Variants in ZMAT4 observed in about 807,000 individuals in gnomAD.
ZMAT4 encodes zinc finger matrin-type protein 4.
ZMAT4 carries 17 observed loss-of-function variants against 28.7 expected under a neutral mutation model. The ratio of observed to expected loss-of-function variants is 0.59; its 90% CI spans 0.41 to 0.89. ZMAT4 has a LOEUF of 0.89. ZMAT4 is among the 40% of genes least tolerant of loss of function. The pLI is 0.00. For missense variants in ZMAT4, 240 were observed against 283.8 expected (o/e 0.85, Z 1.11); for synonymous variants, 117 against 109.2 (o/e 1.07, Z -0.44).
At chr8:40,638,353 T>C (rs1392823783) in intron 5 of ZMAT4, among the ~76,000 whole-genome samples, 1 of 152,216 alleles carries the variant, frequency 6.6e-6, no homozygotes, top group African/African-American at 2.4e-5. Context: ...ATTTGTCAAT[T>C]AAAGATAAAG....
At chr8:40,674,282 C>T (rs11774299) in intron 5 of ZMAT4, 53,702 of 155,870 alleles carry the variant, frequency 0.34, 10,488 homozygotes, top group Non-Finnish European at 0.44. Context: ...TTAATACAGA[C>T]GGGGTTTCAC....
At chr8:40,588,993 A>C (rs575995209) in intron 5 of ZMAT4, among the ~76,000 whole-genome samples, 14 of 152,330 alleles carry the variant, frequency 9.2e-5, no homozygotes, top group African/African-American at 3.4e-4. Flanking sequence ...GATGATTAAT[A>C]ATACAAAGGT....
At chr8:40,607,051 A>G (rs770145001) in intron 5 of ZMAT4, among the ~76,000 whole-genome samples, 1 of 150,850 alleles carries the variant, frequency 6.6e-6, no homozygotes, top group Non-Finnish European at 1.5e-5. Flanking sequence ...TTATTTCCAG[A>G]AGGTGTGATT....
rs1160752861 is a variant in ZMAT4, at chr8:40,601,428, G to GGAAA, written c.578-20168_578-20167insTTTC. On this transcript the variant is annotated intron_variant, in intron 5 of 6. Transcript: ENST00000297737. The stretch of plus-strand genomic sequence containing the variant: ...AGAAAGGAAGGAAGGAAGGAAGGAA[G>GGAAA]GAAGGAAGGAAGGAAGGAAGGAAGG... 2.1e-5 allele frequency among the ~76,000 whole-genome samples: 2 copies of GGAAA among 95,156 alleles called. 1 individual carries two copies. Among genetic ancestry groups the GGAAA allele is most frequent in the Non-Finnish European group, 3.8e-5 (2 of 53,134 alleles). The allele number at this position is 95,156 out of a possible 152,430, so 62.4% of individuals were successfully genotyped here.
intron 1 of ZMAT4, among the ~76,000 whole-genome samples, chr8:40,880,189 G>A (rs1190929430): frequency 1.3e-5 from 2 of 152,136 alleles, no homozygotes; most frequent in African/African-American, 4.8e-5. Context: ...CCCACATGGT[G>A]AAACCCCATT....
In ZMAT4 at chr8:40,867,185, G is replaced by T. The variant is rs182288009; in HGVS notation, c.-5+30498C>A. 4.9e-4 allele frequency among the ~76,000 whole-genome samples: 74 copies of T among 152,054 alleles called. No homozygotes were observed. In the East Asian group the frequency reaches 6.8e-3, roughly 14 times the overall value. ...GGTGTGCAATCTTTTGGCTTTCTTG[G>T]GCCACATTGGAAGAATTGTCTTGGG... On this transcript the variant is annotated intron_variant, in intron 1 of 6. Coordinates refer to ENST00000297737, the MANE Select transcript of ZMAT4 (RefSeq NM_024645.3).
At chr8:40,600,019 C>T (rs894858966) in intron 5 of ZMAT4, among the ~76,000 whole-genome samples, 15 of 152,222 alleles carry the variant, frequency 9.9e-5, no homozygotes, top group African/African-American at 3.6e-4. Context: ...TTGCATGTCC[C>T]TGTTCGAACT....
chr8:40,584,984 G>A (rs1804619379), intron 5 of ZMAT4, among the ~76,000 whole-genome samples: 1 of 152,152 alleles, frequency 6.6e-6, no homozygotes, highest in Non-Finnish European at 1.5e-5. Context: ...CTCCCTGAAT[G>A]TCAGTGTCCT....
intron 3 of ZMAT4, among the ~76,000 whole-genome samples, chr8:40,735,181 G>A (rs1811710136): frequency 6.6e-6 from 1 of 152,278 alleles, no homozygotes; most frequent in Admixed American, 6.5e-5. Flanking sequence ...TATAAATGAA[G>A]CAATAAGGAG....
chr8:40,729,242 T>C (rs1054374250), intron 3 of ZMAT4, among the ~76,000 whole-genome samples: 2 of 152,212 alleles, frequency 1.3e-5, no homozygotes, highest in East Asian at 1.9e-4. Context: ...GCAACAATTC[T>C]GTACTCTAGG....
intron 3 of ZMAT4, among the ~76,000 whole-genome samples, chr8:40,765,994 T>G (rs1291612532): frequency 6.6e-6 from 1 of 152,154 alleles, no homozygotes; most frequent in African/African-American, 2.4e-5. Flanking sequence ...ACATAAAAGC[T>G]GGTGTAGGCC....
chr8:40,600,805 T>C (rs1233113806), intron 5 of ZMAT4, among the ~76,000 whole-genome samples: 1 of 152,104 alleles, frequency 6.6e-6, no homozygotes. Flanking sequence ...CACACTGCCA[T>C]CCCCATCCCT....
At chr8:40,885,809 G>C (rs964115348) in intron 1 of ZMAT4, among the ~76,000 whole-genome samples, 1 of 152,156 alleles carries the variant, frequency 6.6e-6, no homozygotes, top group Non-Finnish European at 1.5e-5. Flanking sequence ...ACCATCCCTC[G>C]CTGCCTTCAG....
chr8:40,796,343 G>A (rs1287592375), intron 2 of ZMAT4, among the ~76,000 whole-genome samples: 1 of 152,132 alleles, frequency 6.6e-6, no homozygotes. Context: ...AATGACCCTG[G>A]CATGATTTAC....
chr8:40,815,580 C>T (rs1815500156), intron 2 of ZMAT4, among the ~76,000 whole-genome samples: 6 of 152,188 alleles, frequency 3.9e-5, no homozygotes, highest in Admixed American at 2.6e-4. Flanking sequence ...CCAGGAGAAT[C>T]CTGTCCTTCC....
At chr8:40,601,458 GAGGAAGAA>G (rs1805313307) in intron 5 of ZMAT4, among the ~76,000 whole-genome samples, 1 of 28,202 alleles carries the variant, frequency 3.5e-5, no homozygotes, top group Admixed American at 4.8e-4. Flanking sequence ...GGAAGGAAGG[GAGGAAGAA>G]AGGAAAGAAA....
intron 5 of ZMAT4, among the ~76,000 whole-genome samples, chr8:40,672,543 G>C (rs1365347734): frequency 1.3e-5 from 2 of 152,150 alleles, no homozygotes; most frequent in Non-Finnish European, 2.9e-5. Context: ...TTTGTCTTCT[G>C]TATGAAAGAC....
chr8:40,868,830 A>G (rs1817759083), intron 1 of ZMAT4, among the ~76,000 whole-genome samples: 1 of 152,124 alleles, frequency 6.6e-6, no homozygotes, highest in Non-Finnish European at 1.5e-5. Context: ...AGCCTCCCTG[A>G]CTTCAACTCC....
chr8:40,665,237 C>CA (rs67794891), intron 5 of ZMAT4, among the ~76,000 whole-genome samples: 16 of 129,902 alleles, frequency 1.2e-4, no homozygotes, highest in East Asian at 2.2e-4. Context: ...AACACACACA[C>CA]AAAAAAAACA....
Sources: gnomAD v4.1 joint callset for allele counts (sites outside exome capture counted in the v4.1 genomes callset) on GRCh38, gnomAD v4.1.1 for gene constraint, MANE v1.5 for transcripts, NCBI Gene and HGNC (gene_info 2026-07-23, HGNC 2026-07-21) for gene names.